Variants in CREBRF observed in about 807,000 individuals in gnomAD.
The protein encoded by CREBRF is UPF0474 protein C5orf41.
CREBRF carries 5 observed loss-of-function variants against 66.1 expected under a neutral mutation model. The ratio of observed to expected loss-of-function variants is 0.08; its 90% confidence interval spans 0.04 to 0.16. CREBRF has a LOEUF of 0.16. Among genes scored for constraint, CREBRF ranks in the 10% least tolerant of loss-of-function variants. CREBRF has a pLI of 1.00. For missense variants in CREBRF, 531 were observed against 744.9 expected (o/e 0.71, Z 3.34); for synonymous variants, 229 against 264.4 (o/e 0.87, Z 1.30).
chr5:173,073,835 TG>T (rs1276591327), intron 1 of CREBRF, among the ~76,000 whole-genome samples: 3 of 152,020 alleles, frequency 2.0e-5, no homozygotes, highest in African/African-American at 7.2e-5. Context: ...GGCGTGGTGG[TG>T]GGCGCCTGTA....
chr5:173,068,845 A>G (rs56154801), intron 1 of CREBRF, among the ~76,000 whole-genome samples: 5,691 of 151,826 alleles, frequency 0.037, 223 homozygotes, highest in African/African-American at 0.093. Flanking sequence ...GAGGCAGGCG[A>G]ATTGCCTGAG....
At chr5:173,119,364 A>T (rs750947592) in intron 7 of CREBRF, among the ~76,000 whole-genome samples, 4 of 152,144 alleles carry the variant, frequency 2.6e-5, no homozygotes, top group African/African-American at 9.7e-5. Flanking sequence ...CATCTTTTAC[A>T]GTGTTCAGTG....
At chr5:173,060,961 G>T (rs1757252373) in intron 1 of CREBRF, among the ~76,000 whole-genome samples, 1 of 152,092 alleles carries the variant, frequency 6.6e-6, no homozygotes, top group South Asian at 2.1e-4. Flanking sequence ...ATCAGTCATT[G>T]AGGTTTTTTG....
intron 8 of CREBRF, among the ~76,000 whole-genome samples, chr5:173,128,418 C>A (rs1759322862): frequency 6.6e-6 from 1 of 151,170 alleles, no homozygotes; most frequent in Non-Finnish European, 1.5e-5. Flanking sequence ...AATAAGATTC[C>A]CACATATCGA....
intron 7 of CREBRF, among the ~76,000 whole-genome samples, chr5:173,118,715 A>G (rs943777834): frequency 2.7e-5 from 4 of 148,986 alleles, no homozygotes; most frequent in Non-Finnish European, 5.9e-5. Flanking sequence ...ATCTTCCTTT[A>G]TGTGGATACA....
chr5:173,073,893 G>A (rs1263523662), intron 1 of CREBRF, among the ~76,000 whole-genome samples: 1 of 152,200 alleles, frequency 6.6e-6, no homozygotes, highest in African/African-American at 2.4e-5. Context: ...CTTGAACCTG[G>A]GAGGCGGAGG....
At chr5:173,120,854 C>T (rs1581043984) in intron 7 of CREBRF, among the ~76,000 whole-genome samples, 1 of 151,656 alleles carries the variant, frequency 6.6e-6, no homozygotes, top group East Asian at 1.9e-4. Flanking sequence ...CCACCAAGCC[C>T]AGCTAATTTT....
At chr5:173,100,284 T>A (rs987853024) in intron 4 of CREBRF, among the ~76,000 whole-genome samples, 1 of 150,120 alleles carries the variant, frequency 6.7e-6, no homozygotes, top group African/African-American at 2.5e-5. Context: ...CCAAAATTAT[T>A]TTATATATAG....
At chr5:173,092,966 A>G (rs1354752197) in intron 4 of CREBRF, among the ~76,000 whole-genome samples, 3 of 152,208 alleles carry the variant, frequency 2.0e-5, no homozygotes, top group African/African-American at 7.2e-5. Flanking sequence ...TGGCAAGTGA[A>G]TAAAATCTGC....
chr5:173,083,043 A>G (rs1758014403), intron 2 of CREBRF, among the ~76,000 whole-genome samples: 1 of 150,908 alleles, frequency 6.6e-6, no homozygotes, highest in African/African-American at 2.4e-5. Flanking sequence ...TGGCCAACAT[A>G]TAGTGAAACC....
chr5:173,058,786 CTT>C (rs70984932), intron 1 of CREBRF, among the ~76,000 whole-genome samples: 52 of 64,088 alleles, frequency 8.1e-4, no homozygotes, highest in Non-Finnish European at 1.1e-3. Context: ...CGCCCAGCCT[CTT>C]TTTTTTTTTT....
chr5:173,082,676 G>A (rs1446186889), intron 2 of CREBRF, among the ~76,000 whole-genome samples: 3 of 151,738 alleles, frequency 2.0e-5, no homozygotes, highest in African/African-American at 7.3e-5. Context: ...GGGAGGCCAA[G>A]GTGGGCGGAT....
intron 8 of CREBRF, among the ~76,000 whole-genome samples, chr5:173,129,718 C>CA (rs36113811): frequency 0.031 from 3,229 of 105,486 alleles, 68 homozygotes; most frequent in East Asian, 0.12. Context: ...GACCTCATCT[C>CA]AAAAAAAAAA....
At chr5:173,080,558 G>T in intron 1 of CREBRF, 27 bp from the exon 2 acceptor site, 1 of 539,298 alleles carries the variant, frequency 1.9e-6, no homozygotes, top group East Asian at 2.9e-5. Flanking sequence ...CTGGAATTCA[G>T]TGAAGTTACT....
intron 4 of CREBRF, among the ~76,000 whole-genome samples, chr5:173,105,893 C>T (rs913231583): frequency 3.9e-4 from 59 of 151,886 alleles, no homozygotes; most frequent in African/African-American, 1.3e-3. Flanking sequence ...GCTGGGATTA[C>T]AGGCATGAGC....
At chr5:173,086,143 A>G (rs1758138442) in intron 2 of CREBRF, 2 of 784,892 alleles carry the variant, frequency 2.5e-6, no homozygotes, top group African/African-American at 3.4e-5. Context: ...TTTGTCGTGT[A>G]GGATATCAGG....
intron 3 of CREBRF, among the ~76,000 whole-genome samples, chr5:173,087,162 G>T (rs543732976): frequency 2.6e-4 from 40 of 152,164 alleles, no homozygotes; most frequent in African/African-American, 9.4e-4. Context: ...GGCCAGGCTG[G>T]TCTCGAACTC....
intron 7 of CREBRF, among the ~76,000 whole-genome samples, chr5:173,114,056 G>A (rs1758929882): frequency 1.3e-5 from 2 of 152,184 alleles, no homozygotes; most frequent in African/African-American, 2.4e-5. Context: ...CTGGCACATA[G>A]GTGTTCAATA....
At chr5:173,058,362 T>C (rs1231835682) in intron 1 of CREBRF, among the ~76,000 whole-genome samples, 1 of 152,212 alleles carries the variant, frequency 6.6e-6, no homozygotes, top group Admixed American at 6.5e-5. Context: ...TACTTAGGCG[T>C]AAGAACATGC....
Sources: gnomAD v4.1 joint callset for allele counts (sites outside exome capture counted in the v4.1 genomes callset) on GRCh38, gnomAD v4.1.1 for gene constraint, MANE v1.5 for transcripts, NCBI Gene and HGNC (gene_info 2026-07-23, HGNC 2026-07-21) for gene names.